RB1CC1: variants seen among roughly 807,000 people sequenced by gnomAD.
RB1CC1 encodes the protein RB1 inducible coiled-coil 1.
RB1CC1 carries 46 observed loss-of-function variants against 177.5 expected under a neutral mutation model. The observed-to-expected ratio is 0.26, with a 90% confidence interval of 0.20 to 0.33. The LOEUF (loss-of-function observed/expected upper bound fraction) is 0.33, where lower values mean the gene tolerates loss of function less well. Ranked by LOEUF, RB1CC1 falls within the 10% of genes least tolerant of loss-of-function variation. The pLI is 1.00. For synonymous variants in RB1CC1, 666 were observed against 613.6 expected (o/e 1.09, Z -1.26); for missense variants, 1,703 against 1,816.3 (o/e 0.94, Z 1.13).
intron 15 of RB1CC1, among the ~76,000 whole-genome samples, chr8:52,649,238 T>G (rs117894969): frequency 1.3e-5 from 2 of 152,184 alleles, no homozygotes; most frequent in Non-Finnish European, 2.9e-5. Flanking sequence ...AATCCTGTCT[T>G]TGCATACCTG....
At chr8:52,698,504 G>A (rs1423035785) in intron 1 of RB1CC1, among the ~76,000 whole-genome samples, 3 of 151,350 alleles carry the variant, frequency 2.0e-5, no homozygotes, top group African/African-American at 4.9e-5. Flanking sequence ...TAGTAGAGAC[G>A]GGGTTTCACT....
chr8:52,635,052 G>C lies in RB1CC1; in HGVS notation c.4393-84C>G, dbSNP rs1323505078. On this transcript the variant is annotated intron_variant, in intron 19 of 23. Coordinates refer to ENST00000025008, the MANE Select transcript of RB1CC1 (RefSeq NM_014781.5). ...ACAGTGATTGTCAAAGTTTTCATCA[G>C]ACAAAAATGTTTGGTTCGGGTATGA... The C allele has an allele frequency of 3.1e-6, 4 of 1,270,834 alleles. No homozygotes were observed. The East Asian group carries it at 9.9e-5, about 31-fold the overall frequency. 78.7% of individuals were successfully genotyped at this position (1,270,834 alleles called of 1,614,324 possible).
intron 8 of RB1CC1, among the ~76,000 whole-genome samples, chr8:52,667,705 TC>T (rs1852190702): frequency 6.6e-6 from 1 of 152,190 alleles, no homozygotes; most frequent in Non-Finnish European, 1.5e-5. Context: ...TCATTTCTTA[TC>T]CTTCGTCCTA....
chr8:52,646,539 T>C (rs141068531), intron 15 of RB1CC1, among the ~76,000 whole-genome samples: 58 of 152,360 alleles, frequency 3.8e-4, no homozygotes, highest in African/African-American at 1.2e-3. Flanking sequence ...CACCTAAAGA[T>C]TGCATATGTT....
chr8:52,697,266 A>G (rs980375267), intron 1 of RB1CC1, among the ~76,000 whole-genome samples: 2 of 151,630 alleles, frequency 1.3e-5, no homozygotes, highest in Non-Finnish European at 2.9e-5. Context: ...CCACAGAACA[A>G]TGACTCTGTT....
rs1426293866 is a variant in RB1CC1, at chr8:52,642,818, A to G, written c.3988-6T>C. The G allele has an allele frequency of 6.5e-7, 1 of 1,529,170 alleles. No homozygotes were observed. The highest frequency in any genetic ancestry group is 8.7e-7 in the Non-Finnish European group (1 of 1,147,390). 94.7% of individuals were successfully genotyped at this position (1,529,170 alleles called of 1,614,324 possible). On this transcript the variant is annotated splice_polypyrimidine_tract_variant and splice_region_variant and intron_variant, in intron 16 of 23. Coordinates refer to ENST00000025008, the MANE Select transcript of RB1CC1 (RefSeq NM_014781.5). ...AAAACAGTGTTAAAATTGGTCTGGA[A>G]CAAGAGAATAATTATTTAAATTTAT...
chr8:52,627,717 C>T (rs1303394207), intron 22 of RB1CC1, among the ~76,000 whole-genome samples: 1 of 152,002 alleles, frequency 6.6e-6, no homozygotes, highest in East Asian at 1.9e-4. Context: ...AACAAATAAG[C>T]ATACATTAAT....
chr8:52,695,119 G>T (rs990231068), intron 1 of RB1CC1, among the ~76,000 whole-genome samples: 1 of 152,136 alleles, frequency 6.6e-6, no homozygotes, highest in African/African-American at 2.4e-5. Flanking sequence ...AATCTAAAAA[G>T]AAGACAGTAT....
intron 3 of RB1CC1, among the ~76,000 whole-genome samples, chr8:52,684,799 T>C (rs775802846): frequency 6.6e-6 from 1 of 152,176 alleles, no homozygotes; most frequent in Non-Finnish European, 1.5e-5. Context: ...AGCAATTGAC[T>C]ATAGGTACTT....
chr8:52,649,024 A>G (rs1381510012), intron 15 of RB1CC1, among the ~76,000 whole-genome samples: 1 of 152,184 alleles, frequency 6.6e-6, no homozygotes, highest in African/African-American at 2.4e-5. Context: ...AAATCATGCT[A>G]CTCAAAACAG....
At chr8:52,645,097 T>A (rs1298789741) in intron 16 of RB1CC1, among the ~76,000 whole-genome samples, 1 of 152,188 alleles carries the variant, frequency 6.6e-6, no homozygotes, top group African/African-American at 2.4e-5. Context: ...ATCTGGTTTT[T>A]TATCTAACCC....
intron 1 of RB1CC1, among the ~76,000 whole-genome samples, chr8:52,703,132 A>G (rs1383054732): frequency 6.6e-6 from 1 of 152,090 alleles, no homozygotes; most frequent in African/African-American, 2.4e-5. Flanking sequence ...AAAAAAAAGT[A>G]ATCAACTTGG....
rs147746084 is a variant in RB1CC1 at position 52,689,512 on chromosome 8, T to C, written c.-166-2545A>G. The stretch of plus-strand genomic sequence containing the variant: ...CTGCTGCTTTAAAACTCAAGACGAT[T>C]ATGACTTTTAGGGCAGCAGCTACCA... On this transcript the variant is annotated intron_variant, in intron 1 of 23. Coordinates refer to ENST00000025008, the MANE Select transcript of RB1CC1 (RefSeq NM_014781.5). Among the ~76,000 whole-genome samples, 1,367 of 152,262 alleles carry C rather than the reference T, an allele frequency of 9.0e-3. 13 individuals carry two copies. The highest frequency in any genetic ancestry group is 0.02 in the Admixed American group (310 of 15,290).
At position 52,657,862 on chromosome 8, in the gene RB1CC1, A is replaced by G. The variant is rs920342422; in HGVS notation, c.1967T>C (p.Met656Thr). ...TSPQSASSPR[M>T]ESTAGITTTT... ...AGTTGTAATTCCTGCTGTACTTTCC[A>G]TCCTTGGTGAAGAAGCAGACTGTGG... Residue 656 changes from methionine to threonine, a missense_variant, in exon 15 of 24, where the codon ATG (methionine) becomes ACG (threonine). Met to Thr is a moderately conservative substitution (Grantham distance 81). This residue lies in a region of RB1CC1 where 1,169 missense variants were observed against 1,184.7 expected (regional missense o/e 0.99). Transcript: ENST00000025008. 3.7e-6 allele frequency: 6 copies of G among 1,613,926 alleles called. No individual in the cohort carries two copies. Among genetic ancestry groups the G allele is most frequent in the Non-Finnish European group, 5.1e-6 (6 of 1,179,986 alleles).
chr8:52,636,195 T>C (rs527767596), intron 18 of RB1CC1, 126 bp from the exon 19 acceptor site: 1 of 1,069,218 alleles, frequency 9.4e-7, no homozygotes, highest in Admixed American at 3.1e-5. Flanking sequence ...TTTTCAAAAG[T>C]AGCTTATTTC....
Position 52,645,712 on chromosome 8 carries a change from G to A in RB1CC1, c.3977C>T (p.Ala1326Val), listed in dbSNP as rs1590954438. 3.7e-6 allele frequency: 6 copies of A among 1,611,828 alleles called. No homozygotes were observed. Among genetic ancestry groups the A allele is most frequent in the South Asian group, 1.1e-5 (1 of 90,674 alleles). ...EMQNVRTSLI[A>V]EQQTNFNTVL... The stretch of plus-strand genomic sequence containing the variant: ...AAAAGAGATACAGACCTGTTGTTCC[G>A]CAATCAAAGATGTTCGAACATTTTG... Residue 1326 changes from alanine (A) to valine (V), a missense_variant, in exon 16 of 24, where the codon GCG becomes GTG. Around this residue, in one of 6 missense-constraint regions of RB1CC1, gnomAD observed 1,169 missense variants for 1,184.7 expected, o/e 0.99. Coordinates refer to ENST00000025008, the MANE Select transcript of RB1CC1 (RefSeq NM_014781.5).
chr8:52,644,718 A>C lies in RB1CC1; in HGVS notation c.3987+984T>G, dbSNP rs569792961. Reference sequence around the variant, plus strand: ...GGCCTTAAAAATCTAAAATTGTTAGAGGTTTCAACTATACTTTATTTTCTT... The same window carrying C: ...GGCCTTAAAAATCTAAAATTGTTAGCGGTTTCAACTATACTTTATTTTCTT... On this transcript the variant is annotated intron_variant, in intron 16 of 23. Coordinates refer to ENST00000025008, the MANE Select transcript of RB1CC1 (RefSeq NM_014781.5). 8.1e-4 allele frequency among the ~76,000 whole-genome samples: 124 copies of C among 152,224 alleles called. 1 individual carries two copies. Among genetic ancestry groups the C allele is most frequent in the African/African-American group, 2.9e-3 (119 of 41,524 alleles).
At chr8:52,635,470 G>C (rs1849066482) in intron 19 of RB1CC1, among the ~76,000 whole-genome samples, 1 of 152,074 alleles carries the variant, frequency 6.6e-6, no homozygotes, top group African/African-American at 2.4e-5. Context: ...TAGGCCTAAA[G>C]AATGAAAAGT....
intron 5 of RB1CC1, among the ~76,000 whole-genome samples, chr8:52,678,130 T>A (rs890154715): frequency 6.6e-6 from 1 of 151,990 alleles, no homozygotes; most frequent in Non-Finnish European, 1.5e-5. Context: ...ATAATATATA[T>A]AGTATGGGCC....
Sources: allele counts gnomAD v4.1 joint callset (sites outside exome capture counted in the v4.1 genomes callset), GRCh38; gene constraint gnomAD v4.1.1; regional missense constraint gnomAD v4.1.1; transcripts MANE v1.5; gene names NCBI Gene and HGNC (gene_info 2026-07-23, HGNC 2026-07-21).